Variants in COL23A1 observed in about 807,000 individuals in gnomAD.
COL23A1 encodes the protein collagen type XXIII alpha 1 chain.
Under a neutral mutation model 99.3 loss-of-function variants are expected in COL23A1, and 97 were observed. The ratio of observed to expected loss-of-function variants is 0.98; its 90% CI spans 0.83 to 1.16. The LOEUF (loss-of-function observed/expected upper bound fraction) is 1.16. Among genes scored for constraint, COL23A1 ranks in the 50% most tolerant of loss-of-function variants. The pLI is 0.00. For synonymous variants in COL23A1, 320 were observed against 308.2 expected, an observed-to-expected ratio of 1.04 and a Z score of -0.40; for missense variants, 762 against 757.4, an observed-to-expected ratio of 1.01 and a Z score of -0.07.
intron 1 of COL23A1, among the ~76,000 whole-genome samples, chr5:178,566,466 G>A (rs1762845859): frequency 6.6e-6 from 1 of 152,188 alleles, no homozygotes; most frequent in African/African-American, 2.4e-5. Flanking sequence ...CTCACTGAAG[G>A]TTGGGGAAAA....
At chr5:178,474,863 C>A (rs1359449783) in intron 2 of COL23A1, among the ~76,000 whole-genome samples, 1 of 152,210 alleles carries the variant, frequency 6.6e-6, no homozygotes, top group Admixed American at 6.5e-5. Flanking sequence ...CTTAAAGCGA[C>A]AGAAATTTAC....
intron 2 of COL23A1, among the ~76,000 whole-genome samples, chr5:178,536,330 G>T (rs943088635): frequency 6.6e-6 from 1 of 152,246 alleles, no homozygotes; most frequent in African/African-American, 2.4e-5. Flanking sequence ...GGCGTGGAAA[G>T]CCCCAGTGGG....
intron 2 of COL23A1, among the ~76,000 whole-genome samples, chr5:178,371,792 C>A (rs762691377): frequency 6.6e-6 from 1 of 152,226 alleles, no homozygotes; most frequent in African/African-American, 2.4e-5. Context: ...GAGCCCCCAC[C>A]GCCCCAGGGG....
intron 3 of COL23A1, among the ~76,000 whole-genome samples, chr5:178,293,846 G>C (rs990530464): frequency 1.3e-5 from 2 of 151,964 alleles, no homozygotes; most frequent in Non-Finnish European, 2.9e-5. Flanking sequence ...CATTTATATC[G>C]GGCAAGACCT....
At chr5:178,312,115 A>T (rs931351168) in intron 2 of COL23A1, among the ~76,000 whole-genome samples, 1 of 152,128 alleles carries the variant, frequency 6.6e-6, no homozygotes, top group Non-Finnish European at 1.5e-5. Context: ...GGCAGGTTCG[A>T]GGTGCTGAGA....
chr5:178,369,881 A>G (rs2127719885), intron 2 of COL23A1, among the ~76,000 whole-genome samples: 1 of 152,320 alleles, frequency 6.6e-6, no homozygotes, highest in East Asian at 1.9e-4. Flanking sequence ...AGGAGGCACA[A>G]AACAAGGGTT....
intron 2 of COL23A1, among the ~76,000 whole-genome samples, chr5:178,390,356 A>G (rs144374278): frequency 6.6e-6 from 1 of 152,242 alleles, no homozygotes; most frequent in Non-Finnish European, 1.5e-5. Flanking sequence ...AAGGAGGCAC[A>G]TGGCCATGAG....
At chr5:178,253,114 T>C (rs1765119443) in intron 16 of COL23A1, among the ~76,000 whole-genome samples, 1 of 151,342 alleles carries the variant, frequency 6.6e-6, no homozygotes, top group Admixed American at 6.6e-5. Flanking sequence ...TGTTTCCAGG[T>C]CCGACCCCAC....
At chr5:178,359,412 C>T (rs1762057034) in intron 2 of COL23A1, among the ~76,000 whole-genome samples, 1 of 152,162 alleles carries the variant, frequency 6.6e-6, no homozygotes, top group South Asian at 2.1e-4. Context: ...CCTGCAATCC[C>T]AGCTACTTGG....
chr5:178,286,978 G>A (rs1561827343), intron 5 of COL23A1, among the ~76,000 whole-genome samples: 1 of 152,256 alleles, frequency 6.6e-6, no homozygotes, highest in Non-Finnish European at 1.5e-5. Flanking sequence ...CATGCCAGGA[G>A]TGGTTCTGTT....
At chr5:178,421,197 T>C (rs1765617064) in intron 2 of COL23A1, among the ~76,000 whole-genome samples, 1 of 152,086 alleles carries the variant, frequency 6.6e-6, no homozygotes, top group South Asian at 2.1e-4. Context: ...CATGATTTGG[T>C]TTTTGGAGAT....
chr5:178,552,236 C>G (rs747845035), intron 2 of COL23A1, among the ~76,000 whole-genome samples: 93 of 152,128 alleles, frequency 6.1e-4, no homozygotes, highest in Non-Finnish European at 6.0e-4. Flanking sequence ...CTGCAATTGC[C>G]TCTAAGAATC....
intron 2 of COL23A1, among the ~76,000 whole-genome samples, chr5:178,441,727 T>C (rs1188980247): frequency 6.6e-6 from 1 of 151,864 alleles, no homozygotes; most frequent in Non-Finnish European, 1.5e-5. Context: ...CGACGCGGGG[T>C]GATGACGCGG....
intron 2 of COL23A1, among the ~76,000 whole-genome samples, chr5:178,455,278 C>T (rs991889161): frequency 2.0e-5 from 3 of 152,178 alleles, no homozygotes; most frequent in African/African-American, 7.2e-5. Flanking sequence ...CCCGTGGGCC[C>T]GCCCTAAACC....
chr5:178,329,305 T>G lies in COL23A1; in HGVS notation c.362-22386A>C, dbSNP rs567235858. Among the ~76,000 whole-genome samples the G allele has an allele frequency of 2.6e-5, 4 of 152,286 alleles. No homozygotes were observed. The South Asian group carries it at 8.3e-4, about 32-fold the overall frequency. ...ACTTTCGAATTCACCCGAGTCGGCT[T>G]CCATTGCTCAGACAACTGGACGGGG... On this transcript the variant is annotated intron_variant, in intron 2 of 28. Coordinates refer to ENST00000390654, the MANE Select transcript of COL23A1 (RefSeq NM_173465.4).
chr5:178,517,689 GTAGC>G (rs1284347766), intron 2 of COL23A1, among the ~76,000 whole-genome samples: 3 of 150,258 alleles, frequency 2.0e-5, no homozygotes, highest in African/African-American at 4.9e-5. Flanking sequence ...AGCCTCCCAA[GTAGC>G]TGGGATTACA....
chr5:178,545,481 G>C (rs904293458), intron 2 of COL23A1, among the ~76,000 whole-genome samples: 1 of 152,210 alleles, frequency 6.6e-6, no homozygotes, highest in African/African-American at 2.4e-5. Context: ...AACAGTGGGT[G>C]CCAGGGGCGG....
chr5:178,256,525 A>C, intron 14 of COL23A1, 128 bp from the exon 15 acceptor site: 2 of 787,878 alleles, frequency 2.5e-6, no homozygotes, highest in East Asian at 2.8e-5. Context: ...TAATAGCCAA[A>C]TGTATGAGAA....
chr5:178,502,341 C>CAGGAT (rs1758604611), intron 2 of COL23A1, among the ~76,000 whole-genome samples: 1 of 152,188 alleles, frequency 6.6e-6, no homozygotes, highest in South Asian at 2.1e-4. Context: ...CCATGTTAGC[C>CAGGAT]AGGATGGTCT....
Sources: gnomAD v4.1 joint callset for allele counts (sites outside exome capture counted in the v4.1 genomes callset) on GRCh38, gnomAD v4.1.1 for gene constraint, MANE v1.5 for transcripts, NCBI Gene and HGNC (gene_info 2026-07-23, HGNC 2026-07-21) for gene names.